PDE4B: variants seen among roughly 807,000 people sequenced by gnomAD.
PDE4B encodes the protein 3',5'-cyclic-AMP phosphodiesterase 4B.
Under a neutral mutation model 82.2 loss-of-function variants are expected in PDE4B, and 20 were observed. The observed-to-expected ratio is 0.24, with a 90% confidence interval of 0.17 to 0.35. The LOEUF is 0.35. PDE4B is among the 10% of genes least tolerant of loss of function. The probability of loss-of-function intolerance (pLI) is 1.00; values close to 1 mark genes in which losing one functional copy is unlikely to be tolerated. For synonymous variants in PDE4B, 320 were observed against 318.9 expected, an observed-to-expected ratio of 1.00 and a Z score of -0.04; for missense variants, 655 against 907.2, an observed-to-expected ratio of 0.72 and a Z score of 3.57.
At chr1:66,105,580 T>A (rs1645332405) in intron 3 of PDE4B, among the ~76,000 whole-genome samples, 1 of 152,202 alleles carries the variant, frequency 6.6e-6, no homozygotes, top group Non-Finnish European at 1.5e-5. Flanking sequence ...GAGCATGGAA[T>A]GTTGTTCCAT....
At chr1:65,864,875 TAGCAG>T (rs1571035197) in intron 1 of PDE4B, among the ~76,000 whole-genome samples, 2 of 152,280 alleles carry the variant, frequency 1.3e-5, no homozygotes, top group South Asian at 4.1e-4. Context: ...GTCAGTCCCT[TAGCAG>T]AGCTCAAACA....
intron 3 of PDE4B, among the ~76,000 whole-genome samples, chr1:66,240,778 A>G (rs1652832007): frequency 6.6e-6 from 1 of 152,148 alleles, no homozygotes; most frequent in South Asian, 2.1e-4. Context: ...ACACTTGATA[A>G]CCAACATTTT....
chr1:66,300,428 G>A (rs1313109994), intron 7 of PDE4B, among the ~76,000 whole-genome samples: 3 of 152,030 alleles, frequency 2.0e-5, no homozygotes, highest in South Asian at 2.1e-4. Context: ...CTCAGAGATC[G>A]GCCAGTTCAC....
intron 3 of PDE4B, among the ~76,000 whole-genome samples, chr1:65,971,270 A>G (rs1018507219): frequency 2.6e-5 from 4 of 152,014 alleles, no homozygotes; most frequent in Non-Finnish European, 4.4e-5. Context: ...TAATATTATG[A>G]CTATGTGCTT....
intron 1 of PDE4B, among the ~76,000 whole-genome samples, chr1:65,882,585 T>C (rs1646720767): frequency 6.6e-6 from 1 of 152,118 alleles, no homozygotes; most frequent in Non-Finnish European, 1.5e-5. Context: ...TTATTAATGT[T>C]GCATAGCTGC....
intron 1 of PDE4B, among the ~76,000 whole-genome samples, chr1:65,894,188 G>C (rs1186464821): frequency 6.6e-6 from 1 of 152,078 alleles, no homozygotes; most frequent in Non-Finnish European, 1.5e-5. Flanking sequence ...TTTACACTAA[G>C]TGATTTTAAG....
chr1:65,994,075 C>A (rs1431088874), intron 3 of PDE4B, among the ~76,000 whole-genome samples: 4 of 151,996 alleles, frequency 2.6e-5, no homozygotes, highest in African/African-American at 9.7e-5. Context: ...GGGACCATAG[C>A]AATATAGGGA....
intron 3 of PDE4B, among the ~76,000 whole-genome samples, chr1:65,979,173 T>C (rs1466654889): frequency 2.0e-5 from 3 of 152,232 alleles, no homozygotes; most frequent in Non-Finnish European, 4.4e-5. Flanking sequence ...TTCTGGGTCT[T>C]CTTTCTAAGG....
At chr1:66,167,618 A>G (rs886088133) in intron 3 of PDE4B, among the ~76,000 whole-genome samples, 3 of 152,232 alleles carry the variant, frequency 2.0e-5, no homozygotes, top group African/African-American at 7.2e-5. Context: ...TTTACAGCAT[A>G]TGAATTGTAT....
intron 8 of PDE4B, among the ~76,000 whole-genome samples, chr1:66,351,372 C>T (rs1056959431): frequency 1.3e-5 from 2 of 152,142 alleles, no homozygotes; most frequent in Admixed American, 1.3e-4. Flanking sequence ...AAATAATGCC[C>T]ATTTCCTTCC....
At chr1:66,056,289 G>A (rs1324866135) in intron 3 of PDE4B, among the ~76,000 whole-genome samples, 2 of 152,122 alleles carry the variant, frequency 1.3e-5, no homozygotes, top group Non-Finnish European at 2.9e-5. Context: ...GGGAGAGAAA[G>A]GCAACGAGAG....
chr1:66,203,955 G>A (rs1350003423), intron 3 of PDE4B, among the ~76,000 whole-genome samples: 1 of 152,154 alleles, frequency 6.6e-6, no homozygotes, highest in Non-Finnish European at 1.5e-5. Context: ...TTTCTGCTCT[G>A]TTTTTTCCCC....
intron 8 of PDE4B, among the ~76,000 whole-genome samples, chr1:66,339,802 C>T (rs866747143): frequency 6.7e-6 from 1 of 149,976 alleles, no homozygotes; most frequent in South Asian, 2.1e-4. Flanking sequence ...ATACTTTTTT[C>T]TCATCTTTTA....
intron 3 of PDE4B, chr1:66,062,757 G>C (rs1570125795): frequency 6.6e-6 from 1 of 152,068 alleles, no homozygotes; most frequent in African/African-American, 2.4e-5. Context: ...TGATTGATTT[G>C]TGTTAGTTTT....
At chr1:66,063,020 G>A (rs1303786122) in intron 3 of PDE4B, 4 of 151,942 alleles carry the variant, frequency 2.6e-5, no homozygotes, top group Non-Finnish European at 4.4e-5. Context: ...GGTAGCTGGT[G>A]GTACTGCTGG....
chr1:65,881,337 A>T (rs1256718198), intron 1 of PDE4B, among the ~76,000 whole-genome samples: 2 of 152,068 alleles, frequency 1.3e-5, no homozygotes, highest in Admixed American at 6.6e-5. Flanking sequence ...TGGAGGTATA[A>T]AAGGCCTGGT....
intron 8 of PDE4B, among the ~76,000 whole-genome samples, chr1:66,334,431 A>G (rs1382407353): frequency 6.6e-5 from 10 of 152,210 alleles, no homozygotes; most frequent in Admixed American, 6.5e-4. Flanking sequence ...TCAGCATAGT[A>G]GTTAGTAAGG....
At chr1:66,003,916 T>A (rs1298031086) in intron 3 of PDE4B, among the ~76,000 whole-genome samples, 1 of 152,136 alleles carries the variant, frequency 6.6e-6, no homozygotes, top group East Asian at 1.9e-4. Flanking sequence ...CTCAGCCAGG[T>A]GTGAGTTCAC....
chr1:65,930,067 G>A (rs755733652), intron 3 of PDE4B, among the ~76,000 whole-genome samples: 56 of 152,184 alleles, frequency 3.7e-4, no homozygotes, highest in Non-Finnish European at 7.6e-4. Context: ...TGAGAAGCAA[G>A]GAGAGTGAGT....
Sources: allele counts gnomAD v4.1 joint callset (sites outside exome capture counted in the v4.1 genomes callset), GRCh38; gene constraint gnomAD v4.1.1; transcripts MANE v1.5; gene names NCBI Gene and HGNC (gene_info 2026-07-23, HGNC 2026-07-21).